Variants in ATP2C1 observed in about 807,000 individuals in gnomAD.
ATP2C1 encodes ATPase secretory pathway Ca2+ transporting 1.
In ATP2C1, 31 loss-of-function variants were observed where a neutral mutation model predicts 120.5. That is an observed-to-expected ratio of 0.26 (90% CI 0.19 to 0.35). The LOEUF (loss-of-function observed/expected upper bound fraction) is 0.35. Ranked by LOEUF, ATP2C1 falls within the 10% of genes least tolerant of loss-of-function variation. The pLI is 1.00. For missense variants in ATP2C1, 731 were observed against 1,107.5 expected, an observed-to-expected ratio of 0.66 and a Z score of 4.83; for synonymous variants, 351 against 358.7, an observed-to-expected ratio of 0.98 and a Z score of 0.24.
intron 17 of ATP2C1, among the ~76,000 whole-genome samples, chr3:130,973,490 T>C (rs2061418008): frequency 6.6e-6 from 1 of 152,090 alleles, no homozygotes; most frequent in Admixed American, 6.6e-5. Context: ...GAACCTTATA[T>C]ATACCGTGTT....
chr3:130,945,319 T>TG (rs2060098891), intron 8 of ATP2C1, among the ~76,000 whole-genome samples: 1 of 152,238 alleles, frequency 6.6e-6, no homozygotes, highest in South Asian at 2.1e-4. Context: ...TTATTGACTA[T>TG]GTATGCCTGG....
chr3:130,992,195 C>A (rs544596341), intron 20 of ATP2C1, among the ~76,000 whole-genome samples: 292 of 152,124 alleles, frequency 1.9e-3, no homozygotes, highest in African/African-American at 6.6e-3. Context: ...CACCTGTAGG[C>A]TCCCCCAGTG....
chr3:130,955,829 G>T, intron 10 of ATP2C1: 1 of 342,672 alleles, frequency 2.9e-6, no homozygotes, highest in Non-Finnish European at 5.6e-6. Context: ...AGGGAGAACA[G>T]ATTTTTCCTC....
intron 2 of ATP2C1, among the ~76,000 whole-genome samples, chr3:130,897,687 T>G (rs941407721): frequency 1.3e-5 from 2 of 152,310 alleles, no homozygotes; most frequent in South Asian, 2.1e-4. Flanking sequence ...GGTATTTTCT[T>G]TGGCACTTCG....
chr3:131,008,999 C>T (rs1036598264), intron 26 of ATP2C1, among the ~76,000 whole-genome samples: 2 of 152,200 alleles, frequency 1.3e-5, no homozygotes, highest in Non-Finnish European at 2.9e-5. Context: ...TGCTTCCCAT[C>T]TCTCTCTCTT....
intron 21 of ATP2C1, 81 bp from the exon 22 acceptor site, chr3:130,993,851 G>A: frequency 7.1e-7 from 1 of 1,399,226 alleles, no homozygotes; most frequent in South Asian, 1.2e-5. Context: ...AAAAAATAGG[G>A]AGGATTTGTT....
rs1407541637 is a variant in ATP2C1 at position 131,002,010 on chromosome 3, G to A, written c.*660G>A. The stretch of plus-strand genomic sequence containing the variant: ...TTTTTCTTAGTAAGTGTAAATGGTT[G>A]CTTTATTTTTATTTTAAAAAGGTAT... On this transcript the variant is annotated 3_prime_UTR_variant, in exon 28 of 28. Coordinates refer to ENST00000510168, the MANE Select transcript of ATP2C1 (RefSeq NM_001378687.1). 4 of 983,622 alleles carry A rather than the reference G, an allele frequency of 4.1e-6. No homozygotes were observed. The highest frequency in any genetic ancestry group is 4.8e-6 in the Non-Finnish European group (4 of 828,046). The allele number at this position is 983,622 out of a possible 1,614,324, so 60.9% of individuals were successfully genotyped here.
intron 1 of ATP2C1, among the ~76,000 whole-genome samples, chr3:130,888,285 T>C (rs1365470163): frequency 6.6e-6 from 1 of 152,124 alleles, no homozygotes; most frequent in African/African-American, 2.4e-5. Flanking sequence ...TGCCTGGGGT[T>C]GGGGGAAGGA....
At chr3:130,989,600 C>T (rs2062215808) in intron 20 of ATP2C1, among the ~76,000 whole-genome samples, 1 of 150,178 alleles carries the variant, frequency 6.7e-6, no homozygotes, top group African/African-American at 2.5e-5. Context: ...CCCTAAAGAA[C>T]ATTGTAGTTG....
chr3:131,001,418 C>A lies in ATP2C1; in HGVS notation c.*68C>A. Reference sequence around the variant, plus strand: ...TGAGGATCATTTAGAAGGGCAAGTTCAAGAGGATATGAAGATTTGAGAACT... The same window carrying A: ...TGAGGATCATTTAGAAGGGCAAGTTAAAGAGGATATGAAGATTTGAGAACT... On this transcript the variant is annotated 3_prime_UTR_variant, in exon 28 of 28. Transcript: ENST00000510168. 1 of 1,578,284 alleles carries A rather than the reference C, an allele frequency of 6.3e-7. No individual in the cohort carries two copies. Among genetic ancestry groups the A allele is most frequent in the South Asian group, 1.2e-5 (1 of 86,544 alleles).
chr3:130,968,228 A>AT (rs2061140893), intron 16 of ATP2C1, among the ~76,000 whole-genome samples: 1 of 152,218 alleles, frequency 6.6e-6, no homozygotes, highest in Non-Finnish European at 1.5e-5. Flanking sequence ...CTAAAACAGC[A>AT]TAGTACTCAA....
intron 1 of ATP2C1, among the ~76,000 whole-genome samples, chr3:130,887,034 C>T (rs189095193): frequency 2.8e-4 from 43 of 152,280 alleles, no homozygotes; most frequent in African/African-American, 9.4e-4. Flanking sequence ...GCCATAGCTG[C>T]GTGAGGGGGC....
intron 20 of ATP2C1, among the ~76,000 whole-genome samples, chr3:130,991,077 G>A (rs925460249): frequency 3.9e-5 from 6 of 152,170 alleles, no homozygotes; most frequent in South Asian, 2.1e-4. Flanking sequence ...CACCTGAGGC[G>A]TAGGGAATTC....
At chr3:130,999,373 G>T in intron 26 of ATP2C1, 145 bp from the exon 27 acceptor site, 1 of 737,028 alleles carries the variant, frequency 1.4e-6, no homozygotes, top group East Asian at 2.7e-5. Context: ...CAAAACAGTA[G>T]TAAAATTTAA....
chr3:130,888,244 G>C (rs1358491009), intron 1 of ATP2C1, among the ~76,000 whole-genome samples: 2 of 152,140 alleles, frequency 1.3e-5, no homozygotes, highest in South Asian at 2.1e-4. Context: ...TTCATACGCA[G>C]AGGAGTCACT....
At chr3:130,936,274 G>C (rs1201530856) in intron 5 of ATP2C1, among the ~76,000 whole-genome samples, 2 of 152,048 alleles carry the variant, frequency 1.3e-5, no homozygotes, top group Admixed American at 1.3e-4. Flanking sequence ...TCTTGGGGAA[G>C]ATTTGAATAA....
chr3:130,968,870 G>A (rs1362378381), intron 16 of ATP2C1, among the ~76,000 whole-genome samples: 1 of 152,182 alleles, frequency 6.6e-6, no homozygotes, highest in Non-Finnish European at 1.5e-5. Flanking sequence ...CAGAGGGTAA[G>A]GGACTAGGAT....
At chr3:130,970,932 C>CA (rs2061285972) in intron 17 of ATP2C1, among the ~76,000 whole-genome samples, 1 of 150,664 alleles carries the variant, frequency 6.6e-6, no homozygotes, top group African/African-American at 2.4e-5. Flanking sequence ...TCATGAGGGC[C>CA]AAAAAAAAGA....
chr3:130,869,663 A>C (rs1403356486), intron 1 of ATP2C1, among the ~76,000 whole-genome samples: 1 of 152,212 alleles, frequency 6.6e-6, no homozygotes, highest in Non-Finnish European at 1.5e-5. Context: ...TCTGGATACA[A>C]GACCAAACCA....
Sources: gnomAD v4.1 joint callset for allele counts (sites outside exome capture counted in the v4.1 genomes callset) on GRCh38, gnomAD v4.1.1 for gene constraint, MANE v1.5 for transcripts, NCBI Gene and HGNC (gene_info 2026-07-23, HGNC 2026-07-21) for gene names.